MICAL1: variants seen among roughly 807,000 people sequenced by gnomAD.
The protein encoded by MICAL1 is microtubule associated monooxygenase, calponin and LIM domain containing 1, also known as [F-actin]-monooxygenase MICAL1.
In MICAL1, 95 loss-of-function variants were observed where a neutral mutation model predicts 131.8. The ratio of observed to expected loss-of-function variants is 0.72; its 90% CI spans 0.61 to 0.86. The LOEUF (loss-of-function observed/expected upper bound fraction) is 0.86, where lower values mean the gene tolerates loss of function less well. MICAL1 is among the 40% of genes least tolerant of loss of function. The pLI, the probability that MICAL1 is intolerant of heterozygous loss-of-function variation, is 0.00. For missense variants in MICAL1, 1,292 were observed against 1,380.6 expected, an observed-to-expected ratio of 0.94 and a Z score of 1.02; for synonymous variants, 546 against 554.2, an observed-to-expected ratio of 0.99 and a Z score of 0.21.
At chr6:109,447,591 CA>C in intron 15 of MICAL1, 89 bp downstream of exon 15, 1 of 1,596,118 alleles carries the variant, frequency 6.3e-7, no homozygotes, top group Non-Finnish European at 8.6e-7. Context: ...GGGTGGGGAA[CA>C]AGACATGGGA....
In MICAL1 at chr6:109,447,982, C is replaced by A; in HGVS notation, c.1856-19G>T. 2 of 1,590,478 alleles carry A rather than the reference C, an allele frequency of 1.3e-6. No individual in the cohort carries two copies. The highest frequency in any genetic ancestry group is 1.7e-6 in the Non-Finnish European group (2 of 1,168,038). On this transcript the variant is annotated intron_variant, in intron 13 of 24. Transcript: ENST00000358807. ...ACAGGGCCTGCGGGGAGAGCCAGGG[C>A]ATCAGTGTGGATGGGGGGTGCCAAT...
In MICAL1 at chr6:109,445,304, G is replaced by A. The variant is rs780465930; in HGVS notation, c.2788-14C>T. ...CCGTTGGATGGTCTGAGGGGTACAA[G>A]ACAGAATATCCAGGAGTCTCTAGGT... On this transcript the variant is annotated splice_polypyrimidine_tract_variant and intron_variant, in intron 21 of 24. Coordinates refer to ENST00000358807, the MANE Select transcript of MICAL1 (RefSeq NM_022765.4). 1.2e-6 allele frequency: 2 copies of A among 1,613,978 alleles called. No homozygotes were observed. Among genetic ancestry groups the A allele is most frequent in the Admixed American group, 1.7e-5 (1 of 60,030 alleles).
chr6:109,446,250 G>T lies in MICAL1; in HGVS notation c.2467C>A (p.Pro823Thr). The change falls in exon 19 of 25, where the codon CCT becomes ACT. Residue 823 changes from proline (P) to threonine (T), a missense_variant. By Grantham distance (38) the Pro-to-Thr change is conservative (BLOSUM62 -1). Transcript: ENST00000358807. ...GGTGGAGGCTCCATTTCCGGGTCAG[G>T]GGTAAGGTTAAGGGAGGACAACCGC... is the stretch of plus-strand genomic sequence containing the variant. ...RQRLSSLNLTPDPEMEPPPKP... is the reference protein window; with the variant it reads ...RQRLSSLNLTTDPEMEPPPKP... The T allele has an allele frequency of 6.2e-7, 1 of 1,611,758 alleles. No individual in the cohort carries two copies. Among genetic ancestry groups the T allele is most frequent in the Non-Finnish European group, 8.5e-7 (1 of 1,179,082 alleles).
intron 17 of MICAL1, 83 bp from the exon 18 acceptor site, chr6:109,446,855 G>T: frequency 7.2e-7 from 1 of 1,394,160 alleles, no homozygotes; most frequent in Non-Finnish European, 1.0e-6. Flanking sequence ...AGGAAGGTGG[G>T]GAAAACAAGA....
chr6:109,449,391 C>T lies in MICAL1; in HGVS notation c.1516+9G>A, dbSNP rs541879560. 12 of 1,614,184 alleles carry T rather than the reference C, an allele frequency of 7.4e-6. No homozygotes were observed. The highest frequency in any genetic ancestry group is 3.3e-5 in the Admixed American group (2 of 60,016). Reference sequence around the variant, plus strand: ...TTTTGGTCACCCCTTGGGAGGAAGGCCTGCTCACCGGTGGCTGGCATCCCT... The same window carrying T: ...TTTTGGTCACCCCTTGGGAGGAAGGTCTGCTCACCGGTGGCTGGCATCCCT... On this transcript the variant is annotated intron_variant, in intron 11 of 24. Coordinates refer to ENST00000358807, the MANE Select transcript of MICAL1 (RefSeq NM_022765.4).
At position 109,454,019 on chromosome 6, in the gene MICAL1, C is replaced by T. The variant is rs1410552326; in HGVS notation, c.178G>A (p.Ala60Thr). Residue 60 changes from alanine to threonine, a missense_variant, in exon 2 of 25, where the codon GCC becomes ACC. By Grantham distance (58) the Ala-to-Thr change is moderately conservative. Transcript: ENST00000358807. The stretch of plus-strand genomic sequence containing the variant: ...TCCAGCTTGGTCCACAGTGACTTGG[C>T]GCTCCAGTAGTTGAGCTGGTCCTTG... ...KIKDQLNYWS[A>T]KSLWTKLDKR... 3.1e-6 allele frequency: 5 copies of T among 1,614,138 alleles called. No individual in the cohort carries two copies. The highest frequency in any genetic ancestry group is 2.7e-5 in the African/African-American group (2 of 75,070).
Position 109,453,958 on chromosome 6 carries a change from C to T in MICAL1, c.239G>A (p.Arg80Gln), listed in dbSNP as rs372479975. 44 of 1,613,738 alleles carry T rather than the reference C, an allele frequency of 2.7e-5. No individual in the cohort carries two copies. Among genetic ancestry groups the T allele is most frequent in the Admixed American group, 5.0e-5 (3 of 60,012 alleles). Residue 80 changes from arginine to glutamine, a missense_variant, in exon 2 of 25, where the codon CGG (arginine) becomes CAG (glutamine). Coordinates refer to ENST00000358807, the MANE Select transcript of MICAL1 (RefSeq NM_022765.4). ...RAGQPVYQQG[R>Q]ACTSTKCLVV... ...ATCCACCTTGGTGCTGGTGCAGGCC[C>T]GGCCCTGCTGGTAGACAGGCTGGCC...
At position 109,452,233 on chromosome 6, in the gene MICAL1, GA is replaced by G. The variant is rs761529670; in HGVS notation, c.832+12del. On this transcript the variant is annotated intron_variant, in intron 6 of 24. Transcript: ENST00000358807. ...GGCAGGGGGAGGGGAAATTCAGCAAGAGGGTCCCTGACCTGTGGCTTTGAGA... is the reference window on the plus strand; with the variant it reads ...GGCAGGGGGAGGGGAAATTCAGCAAGGGGTCCCTGACCTGTGGCTTTGAGA... 1 of 1,604,594 alleles carries G rather than the reference GA, an allele frequency of 6.2e-7. No individual in the cohort carries two copies. The highest frequency in any genetic ancestry group is 8.5e-7 in the Non-Finnish European group (1 of 1,173,932).
At position 109,453,658 on chromosome 6, in the gene MICAL1, G is replaced by A. The variant is rs753980690; in HGVS notation, c.446C>T (p.Thr149Ile). Residue 149 changes from threonine to isoleucine, a missense_variant, in exon 3 of 25, where the codon ACC becomes ATC. Thr to Ile is a moderately conservative substitution (Grantham distance 89). Coordinates refer to ENST00000358807, the MANE Select transcript of MICAL1 (RefSeq NM_022765.4). Reference sequence around the variant, plus strand: ...CTCACTGATGTGGTCCAGGGTGCCGGTGCAGAAGCGCCCGTAGAACTTCTT... The same window carrying A: ...CTCACTGATGTGGTCCAGGGTGCCGATGCAGAAGCGCCCGTAGAACTTCTT... ...GAKKFYGRFC[T>I]GTLDHISIRQ... 6.2e-7 allele frequency: 1 copy of A among 1,609,172 alleles called. No homozygotes were observed. Among genetic ancestry groups the A allele is most frequent in the Admixed American group, 1.7e-5 (1 of 59,134 alleles).
Position 109,452,300 on chromosome 6 carries a change from C to T in MICAL1, c.778G>A (p.Gly260Ser), listed in dbSNP as rs749746161. The T allele has an allele frequency of 6.2e-7, 1 of 1,614,178 alleles. No individual in the cohort carries two copies. The highest frequency in any genetic ancestry group is 8.5e-7 in the Non-Finnish European group (1 of 1,180,030). Residue 260 changes from glycine to serine, a missense_variant, in exon 6 of 25, where the codon GGT becomes AGT. Gly to Ser is a moderately conservative substitution (Grantham distance 56). Transcript: ENST00000358807. ...VEETQVPEIS[G>S]VARIYNQSFF... ...CTCTGGTTGTAGATCCTGGCTACACCACTGATCTCCGGCACCTGTGTCTCC... is the reference window on the plus strand; with the variant it reads ...CTCTGGTTGTAGATCCTGGCTACACTACTGATCTCCGGCACCTGTGTCTCC...
At chr6:109,445,104 C>T in intron 22 of MICAL1, 93 bp downstream of exon 22, 2 of 1,572,306 alleles carry the variant, frequency 1.3e-6, no homozygotes, top group Non-Finnish European at 8.7e-7. Context: ...TATGTGTTAG[C>T]TGTGTGGCAT....
chr6:109,446,837 G>A (rs1775248832), intron 17 of MICAL1, 65 bp from the exon 18 acceptor site: 2 of 1,463,290 alleles, frequency 1.4e-6, no homozygotes, highest in Non-Finnish European at 1.9e-6. Context: ...ACACGCAACA[G>A]TTTATGAAGG....
At chr6:109,452,885 G>T (rs1046798296) in intron 4 of MICAL1, among the ~76,000 whole-genome samples, 1 of 152,142 alleles carries the variant, frequency 6.6e-6, no homozygotes, top group African/African-American at 2.4e-5. Flanking sequence ...TGGCTGGCAT[G>T]GTGGGTCACG....
In MICAL1 at chr6:109,448,323, C is replaced by T. The variant is rs1416839765; in HGVS notation, c.1735G>A (p.Glu579Lys). Reference protein sequence around the residue: ...TAWALKVAENELGITPVVSAQ... With the variant: ...TAWALKVAENKLGITPVVSAQ... ...GACACCACCGGTGTGATGCCCAGCT[C>T]ATTCTCTGCCACCTTTAGTGCCCAA... Residue 579 changes from glutamate (E) to lysine (K), a missense_variant, in exon 13 of 25, where the codon GAG becomes AAG. Transcript: ENST00000358807. 2 of 1,614,078 alleles carry T rather than the reference C, an allele frequency of 1.2e-6. No individual in the cohort carries two copies. The highest frequency in any genetic ancestry group is 8.5e-7 in the Non-Finnish European group (1 of 1,180,026).
At chr6:109,446,625 A>G in intron 18 of MICAL1, 71 bp downstream of exon 18, 1 of 1,496,262 alleles carries the variant, frequency 6.7e-7, no homozygotes, top group Admixed American at 1.9e-5. Flanking sequence ...TACCCCCAGC[A>G]AAGCGCTGGT....
rs916570475 is a variant in MICAL1 at position 109,449,453 on chromosome 6, T to G, written c.1463A>C (p.Lys488Thr). Residue 488 changes from lysine to threonine, a missense_variant, in exon 11 of 25, where the codon AAG (lysine) becomes ACG (threonine). By Grantham distance (78) the Lys-to-Thr change is moderately conservative (BLOSUM62 -1). Coordinates refer to ENST00000358807, the MANE Select transcript of MICAL1 (RefSeq NM_022765.4). ...GTCGTTGTTCCTCTGCACAGGCTCCTTGGCTAGCACATCATACAGGTCTCG... is the reference window on the plus strand; with the variant it reads ...GTCGTTGTTCCTCTGCACAGGCTCCGTGGCTAGCACATCATACAGGTCTCG... Reference protein sequence around the residue: ...QVRDLYDVLAKEPVQRNNDKT... With the variant: ...QVRDLYDVLATEPVQRNNDKT... 1.7e-5 allele frequency: 27 copies of G among 1,614,086 alleles called. No homozygotes were observed. The highest frequency in any genetic ancestry group is 1.9e-5 in the Non-Finnish European group (23 of 1,180,044).
chr6:109,448,365 C>G lies in MICAL1; in HGVS notation c.1693G>C (p.Ala565Pro). The change falls in exon 13 of 25, where the codon GCT becomes CCT. Residue 565 changes from alanine (A) to proline (P), a missense_variant. Ala to Pro is a conservative substitution (Grantham distance 27). Coordinates refer to ENST00000358807, the MANE Select transcript of MICAL1 (RefSeq NM_022765.4). ...AGTGCCCAAGCAGTTGCTTCCAGAG[C>G]TCCCAGCCCCTGCAGCTCTGAGGGT... The part of the protein sequence containing the change: ...LEPSELQGLG[A>P]LEATAWALKV... 1 of 1,613,860 alleles carries G rather than the reference C, an allele frequency of 6.2e-7. No individual in the cohort carries two copies. Among genetic ancestry groups the G allele is most frequent in the Non-Finnish European group, 8.5e-7 (1 of 1,180,006 alleles).
chr6:109,453,479 C>T, intron 3 of MICAL1, 112 bp from the exon 4 acceptor site: 1 of 1,497,898 alleles, frequency 6.7e-7, no homozygotes, highest in Non-Finnish European at 9.0e-7. Flanking sequence ...AATCACTCAG[C>T]CCAAAAGCCC....
rs755137933 is a variant in MICAL1, at chr6:109,446,255, A to G, written c.2462T>C (p.Leu821Pro). ...AGGCTCCATTTCCGGGTCAGGGGTA[A>G]GGTTAAGGGAGGACAACCGCTGGCG... Reference protein sequence around the residue: ...PERQRLSSLNLTPDPEMEPPP... With the variant: ...PERQRLSSLNPTPDPEMEPPP... Residue 821 changes from leucine to proline, a missense_variant, in exon 19 of 25, where the codon CTT becomes CCT. Transcript: ENST00000358807. The G allele has an allele frequency of 3.1e-6, 5 of 1,609,996 alleles. No homozygotes were observed. The South Asian group carries it at 4.4e-5, about 14-fold the overall frequency.
Sources: gnomAD v4.1 joint callset for allele counts (sites outside exome capture counted in the v4.1 genomes callset) on GRCh38, gnomAD v4.1.1 for gene constraint, MANE v1.5 for transcripts, NCBI Gene and HGNC (gene_info 2026-07-23, HGNC 2026-07-21) for gene names.